Variants in SDCCAG8 observed in about 807,000 individuals in gnomAD.
SDCCAG8 encodes the protein SHH signaling and ciliogenesis regulator SDCCAG8.
SDCCAG8 carries 74 observed loss-of-function variants against 101.8 expected under a neutral mutation model. That is an observed-to-expected ratio of 0.73 (90% CI 0.60 to 0.88). The LOEUF (loss-of-function observed/expected upper bound fraction) is 0.88, where lower values mean the gene tolerates loss of function less well. Ranked by LOEUF, SDCCAG8 falls within the 40% of genes least tolerant of loss-of-function variation. The probability of loss-of-function intolerance (pLI) is 0.00; values close to 1 mark genes in which losing one functional copy is unlikely to be tolerated. For missense variants in SDCCAG8, 787 were observed against 822.6 expected, an observed-to-expected ratio of 0.96 and a Z score of 0.53; for synonymous variants, 281 against 292.9, an observed-to-expected ratio of 0.96 and a Z score of 0.41.
chr1:243,279,576 A>G (rs1275454647), intron 4 of SDCCAG8, among the ~76,000 whole-genome samples: 1 of 152,238 alleles, frequency 6.6e-6, no homozygotes, highest in Non-Finnish European at 1.5e-5. Context: ...TCATAAGTCA[A>G]ACCATCACAA....
At chr1:243,383,563 T>C (rs1236111599) in intron 13 of SDCCAG8, among the ~76,000 whole-genome samples, 2 of 152,220 alleles carry the variant, frequency 1.3e-5, no homozygotes, top group African/African-American at 2.4e-5. Flanking sequence ...TTCATTGAAA[T>C]GACCTTCAGA....
intron 12 of SDCCAG8, among the ~76,000 whole-genome samples, chr1:243,364,090 C>T (rs1178915352): frequency 3.3e-5 from 5 of 152,118 alleles, no homozygotes; most frequent in Admixed American, 2.0e-4. Flanking sequence ...ATCACGTACA[C>T]CATGTCTCAG....
chr1:243,351,911 G>A (rs994782572), intron 12 of SDCCAG8, among the ~76,000 whole-genome samples: 1 of 152,196 alleles, frequency 6.6e-6, no homozygotes, highest in Non-Finnish European at 1.5e-5. Context: ...TAAAGAAGCA[G>A]TTCCAAATCA....
At chr1:243,419,558 C>T (rs116520051) in intron 15 of SDCCAG8, among the ~76,000 whole-genome samples, 1,761 of 152,164 alleles carry the variant, frequency 0.012, 42 homozygotes, top group African/African-American at 0.041. Context: ...ATAAAAGAGA[C>T]AAAAAGGTGC....
At chr1:243,486,283 T>C (rs1033136795) in intron 16 of SDCCAG8, among the ~76,000 whole-genome samples, 1 of 151,364 alleles carries the variant, frequency 6.6e-6, no homozygotes, top group East Asian at 1.9e-4. Context: ...ATTTAAAAAT[T>C]GAGTCAATTG....
intron 1 of SDCCAG8, among the ~76,000 whole-genome samples, chr1:243,258,669 T>A (rs1218437742): frequency 3.9e-5 from 6 of 152,144 alleles, no homozygotes; most frequent in Non-Finnish European, 5.9e-5. Context: ...CCTCCCAAAG[T>A]CTGGGGTTAT....
rs553103368 is a variant in SDCCAG8, at chr1:243,485,253, G to C, written c.1986-3761G>C. 8.5e-5 allele frequency among the ~76,000 whole-genome samples: 13 copies of C among 152,256 alleles called. No homozygotes were observed. In the South Asian group the frequency reaches 2.7e-3, roughly 32 times the overall value. On this transcript the variant is annotated intron_variant, in intron 16 of 17. Coordinates refer to ENST00000366541, the MANE Select transcript of SDCCAG8 (RefSeq NM_006642.5). ...AGCTTGTTTTCTCATCTGTGAAATG[G>C]GGATGATACTAGCATGTACCTCCTA...
chr1:243,418,135 C>T, intron 15 of SDCCAG8, 59 bp downstream of exon 15: 1 of 1,175,978 alleles, frequency 8.5e-7, no homozygotes, highest in Non-Finnish European at 1.3e-6. Flanking sequence ...TCTAATTTTT[C>T]CTTAAAAAAC....
At position 243,370,493 on chromosome 1, in the gene SDCCAG8, G is replaced by A. The variant is rs116022741; in HGVS notation, c.1474-8228G>A. Among the ~76,000 whole-genome samples, 286 of 152,148 alleles carry A rather than the reference G, an allele frequency of 1.9e-3. 3 individuals are homozygous for A. Among genetic ancestry groups the A allele is most frequent in the African/African-American group, 6.5e-3 (269 of 41,522 alleles). On this transcript the variant is annotated intron_variant, in intron 12 of 17. Coordinates refer to ENST00000366541, the MANE Select transcript of SDCCAG8 (RefSeq NM_006642.5). Reference sequence around the variant, plus strand: ...CTGAACTCATTTTTGTAAACTGACCGCAGAGTTGTAATGATTCTTTTGCCA... The same window carrying A: ...CTGAACTCATTTTTGTAAACTGACCACAGAGTTGTAATGATTCTTTTGCCA...
chr1:243,266,321 CTT>C (rs570185322), intron 1 of SDCCAG8, among the ~76,000 whole-genome samples: 11 of 141,894 alleles, frequency 7.8e-5, no homozygotes, highest in African/African-American at 5.1e-5. Flanking sequence ...TTTTCTTTTT[CTT>C]TTTTTTTTTT....
At chr1:243,497,193 GCTT>G (rs1214601981) in intron 17 of SDCCAG8, among the ~76,000 whole-genome samples, 1 of 152,188 alleles carries the variant, frequency 6.6e-6, no homozygotes, top group Admixed American at 6.5e-5. Context: ...AGTAACTAAG[GCTT>G]CTGTCTCGGT....
chr1:243,414,845 A>ATGTGTGTGTGTG (rs35826806), intron 13 of SDCCAG8, among the ~76,000 whole-genome samples: 13 of 148,972 alleles, frequency 8.7e-5, no homozygotes, highest in East Asian at 4.1e-4. Flanking sequence ...CCATTCTAAT[A>ATGTGTGTGTGTG]TGTGTGTGTG....
intron 16 of SDCCAG8, among the ~76,000 whole-genome samples, chr1:243,465,267 G>C (rs1221780105): frequency 2.0e-5 from 3 of 152,180 alleles, no homozygotes; most frequent in Non-Finnish European, 4.4e-5. Context: ...CCCATGATAG[G>C]CCTGGCCTGG....
chr1:243,460,833 G>C (rs2148157711), intron 16 of SDCCAG8, among the ~76,000 whole-genome samples: 1 of 152,276 alleles, frequency 6.6e-6, no homozygotes, highest in Admixed American at 6.5e-5. Flanking sequence ...CCCTTTCTCA[G>C]GTGGTGGAAG....
At chr1:243,464,202 G>A (rs1424736187) in intron 16 of SDCCAG8, among the ~76,000 whole-genome samples, 1 of 152,136 alleles carries the variant, frequency 6.6e-6, no homozygotes, top group Non-Finnish European at 1.5e-5. Context: ...TCTGAATGTT[G>A]TTCACTTAGG....
intron 4 of SDCCAG8, among the ~76,000 whole-genome samples, chr1:243,279,105 T>G (rs748310405): frequency 2.0e-5 from 3 of 152,218 alleles, no homozygotes; most frequent in Non-Finnish European, 2.9e-5. Context: ...TTTATTTTTT[T>G]AATTGTCTTA....
chr1:243,401,311 A>G (rs1423869007), intron 13 of SDCCAG8, among the ~76,000 whole-genome samples: 2 of 152,260 alleles, frequency 1.3e-5, no homozygotes, highest in Non-Finnish European at 2.9e-5. Context: ...GTTTGGGAAT[A>G]AGCGAAAACT....
chr1:243,367,076 C>CA (rs906669341), intron 12 of SDCCAG8, among the ~76,000 whole-genome samples: 4 of 150,950 alleles, frequency 2.6e-5, no homozygotes, highest in Non-Finnish European at 5.9e-5. Context: ...TCTCAGTTGG[C>CA]AAAAAAAACT....
At chr1:243,397,240 G>A (rs143701066) in intron 13 of SDCCAG8, among the ~76,000 whole-genome samples, 41 of 152,300 alleles carry the variant, frequency 2.7e-4, no homozygotes, top group Non-Finnish European at 4.7e-4. Flanking sequence ...ACTGCACAGT[G>A]GGGTAGCTAA....
Sources: gnomAD v4.1 joint callset for allele counts (sites outside exome capture counted in the v4.1 genomes callset) on GRCh38, gnomAD v4.1.1 for gene constraint, MANE v1.5 for transcripts, NCBI Gene and HGNC (gene_info 2026-07-23, HGNC 2026-07-21) for gene names.